DDX19A: variants seen among roughly 807,000 people sequenced by gnomAD.
DDX19A encodes DEAD-box helicase 19A, also known as ATP-dependent RNA helicase DDX19A.
In DDX19A, 12 loss-of-function variants were observed where a neutral mutation model predicts 60.6. The ratio of observed to expected loss-of-function variants is 0.20; its 90% CI spans 0.13 to 0.32. DDX19A has a LOEUF of 0.32. Among genes scored for constraint, DDX19A ranks in the 10% least tolerant of loss-of-function variants. DDX19A has a pLI of 1.00. For synonymous variants in DDX19A, 206 were observed against 218.2 expected (o/e 0.94, Z 0.49); for missense variants, 337 against 600.6 (o/e 0.56, Z 4.59).
chr16:70,350,846 AAATT>A (rs1375497335), intron 2 of DDX19A, among the ~76,000 whole-genome samples: 9 of 142,826 alleles, frequency 6.3e-5, no homozygotes, highest in East Asian at 2.1e-4. Context: ...ATATTTTGGC[AAATT>A]ATTTATTTAT....
Position 70,370,307 on chromosome 16 carries a change from G to C in DDX19A, c.1105G>C (p.Glu369Gln). 6.2e-7 allele frequency: 1 copy of C among 1,614,136 alleles called. No individual in the cohort carries two copies. Among genetic ancestry groups the C allele is most frequent in the Non-Finnish European group, 8.5e-7 (1 of 1,180,016 alleles). ...TCTGCTGAGTGGGGAGATGATGGTG[G>C]AGCAGAGGGCTGCGGTGATTGAGCG... ...VALLSGEMMV[E>Q]QRAAVIERFR... The change falls in exon 10 of 12, where the codon GAG (glutamate) becomes CAG (glutamine). Residue 369 changes from glutamate (E) to glutamine (Q), a missense_variant. By Grantham distance (29) the Glu-to-Gln change is conservative. This residue lies in a region of DDX19A where 117 missense variants were observed against 274.3 expected (regional missense o/e 0.43). Transcript: ENST00000302243.
rs547794318 is a variant in DDX19A at position 70,361,940 on chromosome 16, G to A, written c.386+430G>A. ...AATCCTAGCACTTTGGGAGGCCAAG[G>A]TGGGCGGATTGCCTGAGCTCAGTAA... On this transcript the variant is annotated intron_variant, in intron 5 of 11. Coordinates refer to ENST00000302243, the MANE Select transcript of DDX19A (RefSeq NM_018332.5). Among the ~76,000 whole-genome samples the A allele has an allele frequency of 5.3e-5, 8 of 152,170 alleles. No homozygotes were observed. In the South Asian group the frequency reaches 1.5e-3, roughly 28 times the overall value.
At position 70,361,287 on chromosome 16, in the gene DDX19A, T is replaced by C. The variant is rs1170365847; in HGVS notation, c.294-131T>C. ...TGGTTTGGTTTTTGACAGTGTTTTT[T>C]TAAGGCATAGGAAAATACGTCTGAC... On this transcript the variant is annotated intron_variant, in intron 4 of 11. Coordinates refer to ENST00000302243, the MANE Select transcript of DDX19A (RefSeq NM_018332.5). 5.5e-6 allele frequency: 4 copies of C among 732,186 alleles called. No individual in the cohort carries two copies. In the African/African-American group the frequency reaches 7.1e-5, roughly 13 times the overall value. The allele number at this position is 732,186 out of a possible 1,614,324, so 45.4% of individuals were successfully genotyped here.
At chr16:70,357,688 G>A (rs1003937554) in intron 4 of DDX19A, among the ~76,000 whole-genome samples, 1 of 151,830 alleles carries the variant, frequency 6.6e-6, no homozygotes, top group Non-Finnish European at 1.5e-5. Context: ...CCGGCCTTAC[G>A]TTTTAGGTTT....
At position 70,365,094 on chromosome 16, in the gene DDX19A, A is replaced by C; in HGVS notation, c.567A>C (p.Pro189=). ...KVIEQMGKFY[P]ELKLAYAVRG... is the part of the protein sequence containing the mutation. ...TTGAGCAGATGGGCAAATTTTACCC[A>C]GAACTGAAGCTTGCCTATGCCGTTC... The change falls in exon 7 of 12, where the codon CCA becomes CCC. Residue 189 remains proline (P), a synonymous_variant. Transcript: ENST00000302243. The C allele has an allele frequency of 6.2e-7, 1 of 1,614,144 alleles. No homozygotes were observed. The highest frequency in any genetic ancestry group is 1.1e-5 in the South Asian group (1 of 91,084).
In DDX19A at chr16:70,350,427, C is replaced by G. The variant is rs543791568; in HGVS notation, c.58-130C>G. 3.7e-5 allele frequency: 21 copies of G among 575,196 alleles called. No homozygotes were observed. In the East Asian group the frequency reaches 5.2e-4, roughly 14 times the overall value. The allele number at this position is 575,196 out of a possible 1,614,324, so 35.6% of individuals were successfully genotyped here. A position where few individuals can be genotyped will look rare whatever the true frequency, so the allele number is the denominator to read the frequency against. On this transcript the variant is annotated intron_variant, in intron 1 of 11. Transcript: ENST00000302243. ...TTTCAGCAACTCTACTTTGAGGGAA[C>G]AAACCGACTCCCTGAATACTGGTGC...
rs1384566351 is a variant in DDX19A at position 70,364,718 on chromosome 16, C to T, written c.489+73C>T. On this transcript the variant is annotated intron_variant, in intron 6 of 11. Transcript: ENST00000302243. Reference sequence around the variant, plus strand: ...CGCAGTGCCATCTGGTGAGGAGTAACGAGAGGTCTGAAGCTTCTGACACCT... The same window carrying T: ...CGCAGTGCCATCTGGTGAGGAGTAATGAGAGGTCTGAAGCTTCTGACACCT... The T allele has an allele frequency of 1.3e-5, 15 of 1,154,838 alleles. No individual in the cohort carries two copies. The African/African-American group carries it at 1.5e-4, about 12-fold the overall frequency. 71.5% of individuals were successfully genotyped at this position (1,154,838 alleles called of 1,614,324 possible).
At position 70,366,661 on chromosome 16, in the gene DDX19A, G is replaced by A. The variant is rs1964530114; in HGVS notation, c.820G>A (p.Ala274Thr). The change falls in exon 9 of 12, where the codon GCC becomes ACC. Residue 274 changes from alanine (A) to threonine (T), a missense_variant. Transcript: ENST00000302243. Reference protein sequence around the residue: ...PRNCQMLLFSATFEDSVWKFA... With the variant: ...PRNCQMLLFSTTFEDSVWKFA... ...GAACTGCCAGATGCTGCTTTTCTCCGCCACCTTTGAAGACTCTGTGTGGAA... is the reference window on the plus strand; with the variant it reads ...GAACTGCCAGATGCTGCTTTTCTCCACCACCTTTGAAGACTCTGTGTGGAA... The A allele has an allele frequency of 6.2e-7, 1 of 1,614,164 alleles. No homozygotes were observed. The highest frequency in any genetic ancestry group is 8.5e-7 in the Non-Finnish European group (1 of 1,180,034).
chr16:70,356,768 T>G (rs1964200752), intron 4 of DDX19A: 1 of 692,788 alleles, frequency 1.4e-6, no homozygotes, highest in Admixed American at 3.7e-5. Context: ...TTGGCTATCC[T>G]GTTCTCTTGG....
chr16:70,370,667 T>G, intron 10 of DDX19A: 1 of 327,600 alleles, frequency 3.1e-6, no homozygotes, highest in East Asian at 5.2e-5. Context: ...TAGCACTCCA[T>G]CCTGGGTGAC....
At chr16:70,359,700 A>T (rs1283944425) in intron 4 of DDX19A, among the ~76,000 whole-genome samples, 1 of 151,372 alleles carries the variant, frequency 6.6e-6, no homozygotes, top group Non-Finnish European at 1.5e-5. Context: ...TACAAAAAAT[A>T]AAAAAAAATT....
intron 2 of DDX19A, among the ~76,000 whole-genome samples, chr16:70,351,673 C>G (rs562780018): frequency 6.6e-6 from 1 of 151,630 alleles, no homozygotes; most frequent in Non-Finnish European, 1.5e-5. Context: ...TACAGGCGCC[C>G]GCCACCATGC....
At position 70,346,953 on chromosome 16, in the gene DDX19A, G is replaced by T; in HGVS notation, c.-39G>T. 1 of 1,596,370 alleles carries T rather than the reference G, an allele frequency of 6.3e-7. No homozygotes were observed. The highest frequency in any genetic ancestry group is 8.5e-7 in the Non-Finnish European group (1 of 1,170,426). Reference sequence around the variant, plus strand: ...AGGGCCCGCGTTGCGACGTGGTGCAGCGCATATTTTCACAAGTGGGTCTCC... The same window carrying T: ...AGGGCCCGCGTTGCGACGTGGTGCATCGCATATTTTCACAAGTGGGTCTCC... On this transcript the variant is annotated 5_prime_UTR_variant, in exon 1 of 12. Transcript: ENST00000302243.
chr16:70,364,034 C>A (rs1964448173), intron 5 of DDX19A: 1 of 152,780 alleles, frequency 6.5e-6, no homozygotes, highest in Non-Finnish European at 1.5e-5. Context: ...CCATATTTAT[C>A]TTTTTTAATG....
At chr16:70,352,582 CCTT>C (rs1964052909) in intron 2 of DDX19A, among the ~76,000 whole-genome samples, 1 of 147,728 alleles carries the variant, frequency 6.8e-6, no homozygotes, top group African/African-American at 2.5e-5. Flanking sequence ...TGTGCCTGGC[CCTT>C]CCTTGTGTTT....
chr16:70,366,778 T>G lies in DDX19A; in HGVS notation c.937T>G (p.Cys313Gly). ...TACCATCAAGCAGTACTATGTCCTG[T>G]GCAGCAGCAGAGACGAGAAGTTCCA... ...LDTIKQYYVL[C>G]SSRDEKFQAL... Residue 313 changes from cysteine to glycine, a missense_variant, in exon 9 of 12, where the codon TGC becomes GGC. Cys to Gly is a radical substitution (Grantham distance 159). Coordinates refer to ENST00000302243, the MANE Select transcript of DDX19A (RefSeq NM_018332.5). 1 of 1,614,188 alleles carries G rather than the reference T, an allele frequency of 6.2e-7. No individual in the cohort carries two copies. The highest frequency in any genetic ancestry group is 8.5e-7 in the Non-Finnish European group (1 of 1,180,036).
Position 70,350,539 on chromosome 16 carries a change from T to G in DDX19A, c.58-18T>G. On this transcript the variant is annotated intron_variant, in intron 1 of 11. Coordinates refer to ENST00000302243, the MANE Select transcript of DDX19A (RefSeq NM_018332.5). ...TTGGGTCCTTTGCTTAACTCTGTTTTCTTTTATTTCTATTCAGATGACCAA... is the reference window on the plus strand; with the variant it reads ...TTGGGTCCTTTGCTTAACTCTGTTTGCTTTTATTTCTATTCAGATGACCAA... 1 of 1,602,776 alleles carries G rather than the reference T, an allele frequency of 6.2e-7. No homozygotes were observed. Among genetic ancestry groups the G allele is most frequent in the Non-Finnish European group, 8.5e-7 (1 of 1,174,778 alleles).
intron 3 of DDX19A, 180 bp downstream of exon 3, chr16:70,355,715 A>C: frequency 1.6e-6 from 1 of 615,986 alleles, no homozygotes. Context: ...TAATCCCAGC[A>C]CTTTGGGAGG....
chr16:70,367,174 A>T (rs1323645178), intron 9 of DDX19A, among the ~76,000 whole-genome samples: 1 of 152,224 alleles, frequency 6.6e-6, no homozygotes, highest in Non-Finnish European at 1.5e-5. Context: ...CATGCCTGTA[A>T]TCCCAGCATT....
Sources: gnomAD v4.1 joint callset for allele counts (sites outside exome capture counted in the v4.1 genomes callset) on GRCh38, gnomAD v4.1.1 for gene constraint, gnomAD v4.1.1 regional missense constraint, MANE v1.5 for transcripts, NCBI Gene and HGNC (gene_info 2026-07-23, HGNC 2026-07-21) for gene names.